Variants in TRPC6 observed in about 807,000 individuals in gnomAD.
TRPC6 encodes the protein short transient receptor potential channel 6.
A neutral mutation model predicts 90.7 loss-of-function variants in TRPC6; 55 were observed. The observed-to-expected ratio is 0.61, with a 90% CI of 0.49 to 0.76. TRPC6 has a LOEUF of 0.76. Among genes scored for constraint, TRPC6 ranks in the 30% least tolerant of loss-of-function variants. The pLI is 0.00. For synonymous variants in TRPC6, 393 were observed against 393.0 expected, an observed-to-expected ratio of 1.00 and a Z score of 0.00; for missense variants, 989 against 1,122.7, an observed-to-expected ratio of 0.88 and a Z score of 1.70.
intron 1 of TRPC6, among the ~76,000 whole-genome samples, chr11:101,570,748 A>G (rs1861944553): frequency 6.6e-6 from 1 of 152,232 alleles, no homozygotes; most frequent in African/African-American, 2.4e-5. Flanking sequence ...AATCCATCAC[A>G]TAAATAAAAC....
intron 4 of TRPC6, among the ~76,000 whole-genome samples, chr11:101,487,814 T>C (rs1272753112): frequency 6.6e-6 from 1 of 152,180 alleles, no homozygotes; most frequent in African/African-American, 2.4e-5. Context: ...TAAGAAAATG[T>C]CCAGTTTCCT....
rs1172976893 is a variant in TRPC6, at chr11:101,472,038, G to A, written c.2205+99C>T. ...TGTATAAAACAGGGAATGAACAAAG[G>A]GCGAAGAGCAGTCCATGCTTTCATC... On this transcript the variant is annotated intron_variant, in intron 8 of 12. Coordinates refer to ENST00000344327, the MANE Select transcript of TRPC6 (RefSeq NM_004621.6). 5.6e-6 allele frequency: 7 copies of A among 1,242,724 alleles called. No homozygotes were observed. The South Asian group carries it at 6.1e-5, about 11-fold the overall frequency. The allele number at this position is 1,242,724 out of a possible 1,614,324, so 77.0% of individuals were successfully genotyped here. A position where few individuals can be genotyped will look rare whatever the true frequency, so the allele number is the denominator to read the frequency against.
intron 2 of TRPC6, among the ~76,000 whole-genome samples, chr11:101,503,619 GA>G (rs1256703949): frequency 1.3e-5 from 2 of 152,138 alleles, no homozygotes; most frequent in Non-Finnish European, 2.9e-5. Context: ...TCTGAACATG[GA>G]AATAGTGTTT....
Position 101,473,736 on chromosome 11 carries a change from T to C in TRPC6, c.1782A>G (p.Ile594Met). The C allele has an allele frequency of 3.1e-6, 5 of 1,613,704 alleles. No individual in the cohort carries two copies. The highest frequency in any genetic ancestry group is 4.2e-6 in the Non-Finnish European group (5 of 1,179,744). The change falls in exon 7 of 13, where the codon ATA (isoleucine) becomes ATG (methionine). Residue 594 changes from isoleucine (I) to methionine (M), a missense_variant. Ile to Met is a conservative substitution (Grantham distance 10, BLOSUM62 1). This residue lies in a region of TRPC6 where 118 missense variants were observed against 197.6 expected (regional missense o/e 0.60). Coordinates refer to ENST00000344327, the MANE Select transcript of TRPC6 (RefSeq NM_004621.6). ...IKWDPSDPQI[I>M]SEGLYAIAVV... The stretch of plus-strand genomic sequence containing the variant: ...CAGCAATTGCATAAAGACCTTCAGA[T>C]ATTATTTGAGGATCAGAGGGGTCCC...
chr11:101,562,459 T>A (rs1861735159), intron 1 of TRPC6, among the ~76,000 whole-genome samples: 1 of 152,178 alleles, frequency 6.6e-6, no homozygotes, highest in Non-Finnish European at 1.5e-5. Flanking sequence ...TTTAAAATTC[T>A]TTCTCTGTTC....
intron 1 of TRPC6, among the ~76,000 whole-genome samples, chr11:101,528,078 A>T (rs539581056): frequency 9.0e-4 from 136 of 151,776 alleles, no homozygotes; most frequent in African/African-American, 3.1e-3. Context: ...ATCTCAAAAA[A>T]ATATATATAT....
intron 6 of TRPC6, among the ~76,000 whole-genome samples, chr11:101,475,911 C>CACACATATGT (rs202157605): frequency 6.7e-6 from 1 of 148,976 alleles, no homozygotes; most frequent in African/African-American, 2.4e-5. Context: ...TATACACACA[C>CACACATATGT]GTGTATATAT....
Position 101,504,541 on chromosome 11 carries a change from T to C in TRPC6, c.428A>G (p.Asn143Ser), listed in dbSNP as rs121434391. 62 of 1,614,144 alleles carry C rather than the reference T, an allele frequency of 3.8e-5. No individual in the cohort carries two copies. The African/African-American group carries it at 5.9e-4, about 15-fold the overall frequency. Residue 143 changes from asparagine to serine, a missense_variant, in exon 2 of 13, where the codon AAT becomes AGT. Around this residue, in one of 4 missense-constraint regions of TRPC6, gnomAD observed 486 missense variants for 591.9 expected, o/e 0.82. Transcript: ENST00000344327. The part of the protein sequence containing the change: ...GQNALQLAVA[N>S]EHLEITELLL... ...AAGTTCTGTAATTTCCAGATGCTCATTGGCCACTGCCAACTGTAGGGCATT... is the reference window on the plus strand; with the variant it reads ...AAGTTCTGTAATTTCCAGATGCTCACTGGCCACTGCCAACTGTAGGGCATT...
In TRPC6 at chr11:101,471,392, C is replaced by T. The variant is rs1859289339; in HGVS notation, c.2206-6G>A. The T allele has an allele frequency of 6.2e-7, 1 of 1,613,598 alleles. No homozygotes were observed. The highest frequency in any genetic ancestry group is 1.1e-5 in the South Asian group (1 of 91,062). On this transcript the variant is annotated splice_polypyrimidine_tract_variant and splice_region_variant and intron_variant, in intron 8 of 12. Coordinates refer to ENST00000344327, the MANE Select transcript of TRPC6 (RefSeq NM_004621.6). ...CACTCCACATCAGCGTCATCCTATA[C>T]AAATACACATGACAGTTCAGCAAGG... is the stretch of plus-strand genomic sequence containing the variant.
At chr11:101,540,057 G>A (rs983420197) in intron 1 of TRPC6, among the ~76,000 whole-genome samples, 5 of 152,200 alleles carry the variant, frequency 3.3e-5, no homozygotes, top group Admixed American at 6.5e-5. Flanking sequence ...AATTGAGCGA[G>A]TTATATAAGA....
At chr11:101,570,343 T>C (rs1026482050) in intron 1 of TRPC6, among the ~76,000 whole-genome samples, 9 of 152,188 alleles carry the variant, frequency 5.9e-5, no homozygotes, top group Admixed American at 5.2e-4. Context: ...AATCCCTGAA[T>C]AGACCAATAA....
chr11:101,524,517 C>A (rs1375531256), intron 1 of TRPC6, among the ~76,000 whole-genome samples: 1 of 152,156 alleles, frequency 6.6e-6, no homozygotes, highest in African/African-American at 2.4e-5. Flanking sequence ...CCAAAGTGTA[C>A]AGGCATGAGC....
rs562740252 is a variant in TRPC6 at position 101,468,291 on chromosome 11, A to G, written c.2484+1136T>C. On this transcript the variant is annotated intron_variant, in intron 10 of 12. Coordinates refer to ENST00000344327, the MANE Select transcript of TRPC6 (RefSeq NM_004621.6). ...TAATGGCTTAGGGTTCCCCTTACCT[A>G]AAGCTCTCCTTTGTTTTCTGATTTG... 2.2e-4 allele frequency among the ~76,000 whole-genome samples: 33 copies of G among 152,306 alleles called. No homozygotes were observed. In the South Asian group the frequency reaches 6.2e-3, roughly 29 times the overall value.
chr11:101,528,188 A>G (rs988415367), intron 1 of TRPC6, among the ~76,000 whole-genome samples: 1 of 152,178 alleles, frequency 6.6e-6, no homozygotes. Context: ...ATTCTTTACT[A>G]TCTTAAAGAA....
chr11:101,511,100 T>C (rs1860384307), intron 1 of TRPC6, among the ~76,000 whole-genome samples: 1 of 152,198 alleles, frequency 6.6e-6, no homozygotes, highest in Non-Finnish European at 1.5e-5. Flanking sequence ...TTTTATTACA[T>C]GCACAATTAT....
At chr11:101,495,703 A>G (rs1859928233) in intron 2 of TRPC6, among the ~76,000 whole-genome samples, 1 of 151,294 alleles carries the variant, frequency 6.6e-6, no homozygotes, top group Admixed American at 6.6e-5. Context: ...CTATGCTATC[A>G]TATAGAAAGT....
At chr11:101,523,465 G>A (rs908513488) in intron 1 of TRPC6, among the ~76,000 whole-genome samples, 4 of 152,208 alleles carry the variant, frequency 2.6e-5, no homozygotes, top group Admixed American at 6.5e-5. Flanking sequence ...GAACTGAACA[G>A]TTGCCATTGT....
chr11:101,550,000 T>C (rs1175005019), intron 1 of TRPC6, among the ~76,000 whole-genome samples: 1 of 151,656 alleles, frequency 6.6e-6, no homozygotes, highest in African/African-American at 2.4e-5. Context: ...CTCCCTTTTT[T>C]CTGATGACAC....
chr11:101,514,275 G>A (rs1226589348), intron 1 of TRPC6, among the ~76,000 whole-genome samples: 7 of 113,260 alleles, frequency 6.2e-5, no homozygotes, highest in African/African-American at 2.5e-4. Flanking sequence ...TAAGGGTATG[G>A]CAGAAAAAAA....
Sources: allele counts gnomAD v4.1 joint callset (sites outside exome capture counted in the v4.1 genomes callset), GRCh38; gene constraint gnomAD v4.1.1; regional missense constraint gnomAD v4.1.1; transcripts MANE v1.5; gene names NCBI Gene and HGNC (gene_info 2026-07-23, HGNC 2026-07-21).